The following GRIK4 variants were observed in gnomAD, a reference collection of about 807,000 sequenced individuals.
The protein encoded by GRIK4 is glutamate receptor ionotropic, kainate 4.
In GRIK4, 40 loss-of-function variants were observed where a neutral mutation model predicts 104.9. The ratio of observed to expected loss-of-function variants is 0.38; its 90% CI spans 0.30 to 0.50. The LOEUF (loss-of-function observed/expected upper bound fraction) is 0.50. Among genes scored for constraint, GRIK4 ranks in the 20% least tolerant of loss-of-function variants. The pLI is 0.93. For synonymous variants in GRIK4, 485 were observed against 524.9 expected, an observed-to-expected ratio of 0.92 and a Z score of 1.04; for missense variants, 1,047 against 1,308.1, an observed-to-expected ratio of 0.80 and a Z score of 3.08.
At chr11:120,739,546 G>A (rs1021176999) in intron 3 of GRIK4, among the ~76,000 whole-genome samples, 1 of 152,200 alleles carries the variant, frequency 6.6e-6, no homozygotes, top group Non-Finnish European at 1.5e-5. Context: ...TGATTTTCTA[G>A]GTGAGAAAAC....
At chr11:120,879,827 G>A (rs1379800065) in intron 11 of GRIK4, among the ~76,000 whole-genome samples, 1 of 152,180 alleles carries the variant, frequency 6.6e-6, no homozygotes, top group African/African-American at 2.4e-5. Context: ...CACGGAAGAT[G>A]GCCTGGACAG....
chr11:120,644,040 T>A (rs1439098983), intron 1 of GRIK4, among the ~76,000 whole-genome samples: 2 of 117,878 alleles, frequency 1.7e-5, no homozygotes, highest in African/African-American at 8.5e-5. Flanking sequence ...TGTGTGTGTG[T>A]GTGTGAGAGA....
intron 13 of GRIK4, among the ~76,000 whole-genome samples, chr11:120,927,315 C>A (rs1242805472): frequency 1.3e-5 from 2 of 152,016 alleles, no homozygotes; most frequent in Non-Finnish European, 2.9e-5. Context: ...ACCTGTAATC[C>A]CAGCACTTTG....
intron 1 of GRIK4, among the ~76,000 whole-genome samples, chr11:120,521,823 G>A (rs1423856107): frequency 1.3e-5 from 2 of 152,166 alleles, no homozygotes; most frequent in Non-Finnish European, 2.9e-5. Flanking sequence ...TGCATTTGAC[G>A]TCCTACCTGA....
chr11:120,611,626 A>T (rs1276437278), intron 1 of GRIK4, among the ~76,000 whole-genome samples: 2 of 152,192 alleles, frequency 1.3e-5, no homozygotes, highest in African/African-American at 4.8e-5. Flanking sequence ...TCCTCCGTGC[A>T]TAATCCCTCA....
intron 3 of GRIK4, among the ~76,000 whole-genome samples, chr11:120,670,638 G>A (rs150298847): frequency 0.015 from 2,258 of 152,268 alleles, 29 homozygotes; most frequent in Middle Eastern, 0.041. Flanking sequence ...GTCATGCCCT[G>A]ACCATCCTCT....
intron 11 of GRIK4, among the ~76,000 whole-genome samples, chr11:120,892,230 C>T (rs965132779): frequency 1.3e-5 from 2 of 151,980 alleles, no homozygotes; most frequent in African/African-American, 2.4e-5. Flanking sequence ...AAAGCTGGAC[C>T]GAAGAGCATG....
intron 11 of GRIK4, among the ~76,000 whole-genome samples, chr11:120,881,366 G>A (rs1017040883): frequency 1.3e-5 from 2 of 152,084 alleles, no homozygotes. Context: ...CTAGAAATTA[G>A]ACCTGAGCCA....
intron 20 of GRIK4, 42 bp from the exon 21 acceptor site, chr11:120,985,862 G>T: frequency 6.5e-7 from 1 of 1,543,548 alleles, no homozygotes; most frequent in Non-Finnish European, 8.8e-7. Flanking sequence ...GCCCACGGGG[G>T]CTGGTTGAGA....
chr11:120,944,216 TCTC>T (rs890396225), intron 14 of GRIK4, among the ~76,000 whole-genome samples: 16 of 134,964 alleles, frequency 1.2e-4, no homozygotes, highest in African/African-American at 4.4e-4. Flanking sequence ...TCTCTCTCTC[TCTC>T]TTTTTGTCTT....
At chr11:120,689,824 C>G (rs543162056) in intron 3 of GRIK4, among the ~76,000 whole-genome samples, 1 of 152,196 alleles carries the variant, frequency 6.6e-6, no homozygotes. Context: ...TACTCCCACA[C>G]CCCCGCCAGG....
rs1944405959 is a variant in GRIK4 at position 120,967,577 on chromosome 11, T to C, written c.2395+254T>C. On this transcript the variant is annotated intron_variant, in intron 19 of 20. Coordinates refer to ENST00000527524, the MANE Select transcript of GRIK4 (RefSeq NM_014619.5). This position sits in a 1 kb window ranked among gnomAD's most constrained non-coding sequence, Gnocchi z 4.2. Reference sequence around the variant, plus strand: ...ATGTTGTTTCTTGAACCCAGCTGCCTCTGACCCCTAGCACCATGGCTTCTA... The same window carrying C: ...ATGTTGTTTCTTGAACCCAGCTGCCCCTGACCCCTAGCACCATGGCTTCTA... Among the ~76,000 whole-genome samples the C allele has an allele frequency of 6.6e-6, 1 of 152,144 alleles. No homozygotes were observed. The highest frequency in any genetic ancestry group is 1.5e-5 in the Non-Finnish European group (1 of 68,028).
At chr11:120,511,972 C>G (rs1307553155) in intron 1 of GRIK4, 85 bp downstream of exon 1, 1 of 123,248 alleles carries the variant, frequency 8.1e-6, no homozygotes, top group Non-Finnish European at 1.7e-5. Context: ...GCTGGCCCTT[C>G]CCGCACCCCG....
intron 3 of GRIK4, among the ~76,000 whole-genome samples, chr11:120,791,411 T>C (rs1952391747): frequency 6.6e-6 from 1 of 152,254 alleles, no homozygotes; most frequent in African/African-American, 2.4e-5. Flanking sequence ...ACTTCTTTGG[T>C]GAAATGTCTA....
intron 3 of GRIK4, among the ~76,000 whole-genome samples, chr11:120,732,519 C>T (rs921539318): frequency 6.6e-6 from 1 of 152,082 alleles, no homozygotes; most frequent in African/African-American, 2.4e-5. Context: ...GTATAAGCTT[C>T]CCTCTTAGTA....
At chr11:120,737,790 TG>T (rs1408007597) in intron 3 of GRIK4, among the ~76,000 whole-genome samples, 1 of 151,968 alleles carries the variant, frequency 6.6e-6, no homozygotes, top group Non-Finnish European at 1.5e-5. Context: ...GATGAGGACA[TG>T]GGGGGCTTTC....
At chr11:120,896,614 G>A (rs1283673440) in intron 11 of GRIK4, among the ~76,000 whole-genome samples, 2 of 152,224 alleles carry the variant, frequency 1.3e-5, no homozygotes, top group East Asian at 3.8e-4. Flanking sequence ...GGCCTGGCTG[G>A]CCCTGCCATC....
chr11:120,621,036 T>C (rs1256511825), intron 1 of GRIK4, among the ~76,000 whole-genome samples: 1 of 152,188 alleles, frequency 6.6e-6, no homozygotes, highest in African/African-American at 2.4e-5. Context: ...TCCTCAGCCA[T>C]TATTTAATCT....
At chr11:120,703,592 A>G (rs960027202) in intron 3 of GRIK4, among the ~76,000 whole-genome samples, 126 of 152,032 alleles carry the variant, frequency 8.3e-4, no homozygotes, top group African/African-American at 2.8e-3. Flanking sequence ...AGGAGGGTAT[A>G]TCTAGTATAT....
Sources: gnomAD v4.1 joint callset for allele counts (sites outside exome capture counted in the v4.1 genomes callset) on GRCh38, gnomAD v4.1.1 for gene constraint, Gnocchi (gnomAD v3.1) non-coding constraint, MANE v1.5 for transcripts, NCBI Gene and HGNC (gene_info 2026-07-23, HGNC 2026-07-21) for gene names.